KLHL25: variants seen among roughly 807,000 people sequenced by gnomAD.
The protein encoded by KLHL25 is kelch like family member 25.
Under a neutral mutation model 30.0 loss-of-function variants are expected in KLHL25, and 41 were observed. The ratio of observed to expected loss-of-function variants is 1.37; its 90% CI spans 1.07 to 1.78. The LOEUF is 1.78. Among genes scored for constraint, KLHL25 ranks in the 40% most tolerant of loss-of-function variants. The pLI, the probability that KLHL25 is intolerant of heterozygous loss-of-function variation, is 0.00. For missense variants in KLHL25, 971 were observed against 824.5 expected (o/e 1.18, Z -2.18); for synonymous variants, 399 against 355.3 (o/e 1.12, Z -1.38).
chr15:85,761,042 A>G (rs2089578767), intron 2 of KLHL25, 31 bp from the exon 3 acceptor site: 1 of 152,346 alleles, frequency 6.6e-6, no homozygotes, highest in South Asian at 2.1e-4. Context: ...GAGAAAATCA[A>G]TCAGTGGCCA....
In KLHL25 at chr15:85,789,107, C is replaced by T. The variant is rs1260403741; in HGVS notation, c.-11+5659G>A. Among the ~76,000 whole-genome samples, 4 of 152,188 alleles carry T rather than the reference C, an allele frequency of 2.6e-5. No individual in the cohort carries two copies. Among genetic ancestry groups the T allele is most frequent in the African/African-American group, 9.7e-5 (4 of 41,446 alleles). ...TCTGTGGTCAGCCTCTCCTTGGGGG[C>T]CCAATGGGAACAGGCAAAAAATGTA... is the stretch of plus-strand genomic sequence containing the variant. On this transcript the variant is annotated intron_variant, in intron 1 of 2. Coordinates refer to ENST00000337975, the MANE Select transcript of KLHL25 (RefSeq NM_022480.4). The surrounding 1 kb of genome is among the most constrained non-coding windows in gnomAD (Gnocchi z 4.1).
chr15:85,767,067 T>A (rs887761629), intron 2 of KLHL25, among the ~76,000 whole-genome samples: 1 of 150,680 alleles, frequency 6.6e-6, no homozygotes, highest in African/African-American at 2.4e-5. Flanking sequence ...CTTGGCTCAC[T>A]GCAGCCTCTG....
At chr15:85,775,898 G>T (rs2089705973) in intron 1 of KLHL25, among the ~76,000 whole-genome samples, 1 of 149,468 alleles carries the variant, frequency 6.7e-6, no homozygotes, top group African/African-American at 2.4e-5. Context: ...AAGCGGCCAG[G>T]CGTGGTGGCT....
Position 85,768,775 on chromosome 15 carries a change from C to G in KLHL25, c.1036G>C (p.Gly346Arg). 1 of 1,613,114 alleles carries G rather than the reference C, an allele frequency of 6.2e-7. No homozygotes were observed. Among genetic ancestry groups the G allele is most frequent in the Non-Finnish European group, 8.5e-7 (1 of 1,179,968 alleles). The change falls in exon 2 of 3, where the codon GGG becomes CGG. Residue 346 changes from glycine to arginine, a missense_variant. By Grantham distance (125) the Gly-to-Arg change is moderately radical. Transcript: ENST00000337975. The stretch of plus-strand genomic sequence containing the variant: ...ACCCCGTTCTCGGAGCCCCTGCCCC[C>G]CGTCACATAGACCTTGCAGCCGATC... ...SAIGCKVYVT[G>R]GRGSENGVSK...
intron 1 of KLHL25, among the ~76,000 whole-genome samples, chr15:85,777,198 G>C (rs547709782): frequency 6.6e-6 from 1 of 152,160 alleles, no homozygotes; most frequent in Non-Finnish European, 1.5e-5. Flanking sequence ...GGTAATAAAC[G>C]GGCTTCCCCT....
intron 1 of KLHL25, among the ~76,000 whole-genome samples, chr15:85,791,481 C>T (rs1449237985): frequency 1.3e-5 from 2 of 152,124 alleles, no homozygotes; most frequent in South Asian, 2.1e-4. Context: ...GGCGACAGAG[C>T]GAGACTCCTT....
At chr15:85,772,678 G>A (rs2089684712) in intron 1 of KLHL25, among the ~76,000 whole-genome samples, 1 of 152,250 alleles carries the variant, frequency 6.6e-6, no homozygotes, top group African/African-American at 2.4e-5. Flanking sequence ...AGACTCAAAA[G>A]ACCGAGAAAG....
rs188934384 is a variant in KLHL25, at chr15:85,781,460, G to C, written c.-10-11640C>G. ...CAGGGACACCCAGACCACACTTTGA[G>C]AACATTGCGGTAGCGGATTTTTCTT... On this transcript the variant is annotated intron_variant, in intron 1 of 2. Coordinates refer to ENST00000337975, the MANE Select transcript of KLHL25 (RefSeq NM_022480.4). Among the ~76,000 whole-genome samples the C allele has an allele frequency of 3.9e-4, 60 of 152,236 alleles. 1 individual carries two copies. In the South Asian group the frequency reaches 0.012, roughly 31 times the overall value.
intron 1 of KLHL25, among the ~76,000 whole-genome samples, chr15:85,788,566 C>T (rs1041278292): frequency 3.9e-5 from 6 of 152,084 alleles, no homozygotes; most frequent in Non-Finnish European, 5.9e-5. Context: ...ACCAACAGTC[C>T]ACTTCCTCAC....
At chr15:85,791,724 G>C (rs147154389) in intron 1 of KLHL25, among the ~76,000 whole-genome samples, 1 of 152,280 alleles carries the variant, frequency 6.6e-6, no homozygotes, top group Non-Finnish European at 1.5e-5. Context: ...AACAAAAAAG[G>C]GAAAGGGGAG....
chr15:85,777,320 C>T (rs571228075), intron 1 of KLHL25, among the ~76,000 whole-genome samples: 1 of 152,348 alleles, frequency 6.6e-6, no homozygotes, highest in South Asian at 2.1e-4. Context: ...AGTGAGACCA[C>T]CTGGCTTCAC....
At chr15:85,771,311 C>A (rs1208181202) in intron 1 of KLHL25, 3 of 152,214 alleles carry the variant, frequency 2.0e-5, no homozygotes, top group Non-Finnish European at 4.4e-5. Context: ...GGTAATGGGG[C>A]CAAGAAAAAC....
intron 1 of KLHL25, chr15:85,771,188 G>C (rs77768079): frequency 0.075 from 10,269 of 137,000 alleles, 507 homozygotes; most frequent in Non-Finnish European, 0.12. Context: ...GAAAAATAAA[G>C]TGAATTAAGC....
At chr15:85,777,669 G>C (rs1010643319) in intron 1 of KLHL25, among the ~76,000 whole-genome samples, 2 of 152,236 alleles carry the variant, frequency 1.3e-5, no homozygotes, top group African/African-American at 4.8e-5. Context: ...TCACCAGGGA[G>C]TGGGAGCTGT....
Position 85,769,229 on chromosome 15 carries a change from C to T in KLHL25, c.582G>A (p.Leu194=). 1 of 1,613,848 alleles carries T rather than the reference C, an allele frequency of 6.2e-7. No homozygotes were observed. Among genetic ancestry groups the T allele is most frequent in the Admixed American group, 1.7e-5 (1 of 60,030 alleles). Reference sequence around the variant, plus strand: ...CCAGCTCATCACTCGAGATGAGGTCCAGCAGTGTGTCCTTGGACAGGCTGT... The same window carrying T: ...CCAGCTCATCACTCGAGATGAGGTCTAGCAGTGTGTCCTTGGACAGGCTGT... ...DFNSLSKDTL[L]DLISSDELET... Residue 194 remains leucine (L), a synonymous_variant, in exon 2 of 3, where the codon CTG becomes CTA. Coordinates refer to ENST00000337975, the MANE Select transcript of KLHL25 (RefSeq NM_022480.4).
intron 1 of KLHL25, among the ~76,000 whole-genome samples, chr15:85,790,553 A>G (rs2089809893): frequency 6.6e-6 from 1 of 152,222 alleles, no homozygotes; most frequent in Admixed American, 6.5e-5. Context: ...AGTATTATAC[A>G]GGAGAGCAAA....
chr15:85,773,809 G>A (rs536676245), intron 1 of KLHL25, among the ~76,000 whole-genome samples: 233 of 152,216 alleles, frequency 1.5e-3, no homozygotes, highest in African/African-American at 5.1e-3. Flanking sequence ...GGAAGCCTGC[G>A]CAGAGGGCCA....
chr15:85,771,936 C>T (rs898362623), intron 1 of KLHL25, among the ~76,000 whole-genome samples: 1 of 152,212 alleles, frequency 6.6e-6, no homozygotes, highest in Admixed American at 6.5e-5. Context: ...CTGCGCTGAC[C>T]GGGTCTGAGG....
chr15:85,779,202 G>A (rs190839579), intron 1 of KLHL25, among the ~76,000 whole-genome samples: 15 of 152,266 alleles, frequency 9.9e-5, no homozygotes, highest in Admixed American at 6.5e-4. Flanking sequence ...TCTGCCCAGC[G>A]TCCTGTCTTT....
Sources: allele counts gnomAD v4.1 joint callset (sites outside exome capture counted in the v4.1 genomes callset), GRCh38; gene constraint gnomAD v4.1.1; non-coding constraint Gnocchi (gnomAD v3.1); transcripts MANE v1.5; gene names NCBI Gene and HGNC (gene_info 2026-07-23, HGNC 2026-07-21).